Variants in KSR1 observed in about 807,000 individuals in gnomAD.
KSR1 encodes the protein kinase suppressor of ras.
A neutral mutation model predicts 92.9 loss-of-function variants in KSR1; 35 were observed. That is an observed-to-expected ratio of 0.38 (90% CI 0.29 to 0.50). KSR1 has a LOEUF of 0.50. Ranked by LOEUF, KSR1 falls within the 20% of genes least tolerant of loss-of-function variation. The probability of loss-of-function intolerance (pLI) is 0.94; values close to 1 mark genes in which losing one functional copy is unlikely to be tolerated. For synonymous variants in KSR1, 467 were observed against 472.6 expected (o/e 0.99, Z 0.15); for missense variants, 972 against 1,158.5 (o/e 0.84, Z 2.34).
At chr17:27,462,396 C>A (rs762210017) in intron 1 of KSR1, among the ~76,000 whole-genome samples, 6 of 152,086 alleles carry the variant, frequency 3.9e-5, no homozygotes, top group Non-Finnish European at 5.9e-5. Context: ...AGGGCTGGGC[C>A]GAGGGCATTC....
intron 1 of KSR1, among the ~76,000 whole-genome samples, chr17:27,482,211 G>A (rs1264288001): frequency 2.0e-5 from 3 of 151,800 alleles, no homozygotes; most frequent in African/African-American, 7.3e-5. Context: ...GATCTCTTGA[G>A]ACCAGGAGTT....
intron 9 of KSR1, 132 bp from the exon 10 acceptor site, chr17:27,597,136 T>C: frequency 6.2e-6 from 6 of 974,676 alleles, no homozygotes; most frequent in Non-Finnish European, 9.1e-6. Context: ...ATGTTAGATG[T>C]GTAAAATGTC....
Position 27,577,539 on chromosome 17 carries a change from G to A in KSR1, c.420G>A (p.Glu140=). Reference sequence around the variant, plus strand: ...TGGATGCCCTGCTGGAGATGAATGAGGCCAAGGTGAAGGAGACGCTGCGGC... The same window carrying A: ...TGGATGCCCTGCTGGAGATGAATGAAGCCAAGGTGAAGGAGACGCTGCGGC... ...LTLDALLEMN[E]AKVKETLRRC... is the part of the protein sequence containing the mutation. Residue 140 remains glutamate (E), a synonymous_variant, in exon 3 of 21, where the codon GAG becomes GAA. Coordinates refer to ENST00000644974, the MANE Select transcript of KSR1 (RefSeq NM_001394583.1). The surrounding 1 kb of genome is among the most constrained non-coding windows in gnomAD (Gnocchi z 4.5). 8 of 1,604,754 alleles carry A rather than the reference G, an allele frequency of 5.0e-6. No individual in the cohort carries two copies. Among genetic ancestry groups the A allele is most frequent in the Non-Finnish European group, 6.8e-6 (8 of 1,178,348 alleles).
chr17:27,582,755 A>T lies in KSR1; in HGVS notation c.630A>T (p.Pro210=). 6.2e-7 allele frequency: 1 copy of T among 1,613,694 alleles called. No homozygotes were observed. The highest frequency in any genetic ancestry group is 8.5e-7 in the Non-Finnish European group (1 of 1,179,794). ...CAGCAGCCAGCCTGCCCTGGCCCCC[A>T]GGGAGCTCCCAGCTGGGCAGAGCAG... ...TLSAASLPWP[P]GSSQLGRAGN... Residue 210 remains proline, a synonymous_variant, in exon 4 of 21, where the codon CCA becomes CCT. Transcript: ENST00000644974.
chr17:27,545,725 G>T (rs773311016), intron 1 of KSR1, among the ~76,000 whole-genome samples: 1 of 152,228 alleles, frequency 6.6e-6, no homozygotes, highest in Non-Finnish European at 1.5e-5. Context: ...CCTGGAGGAA[G>T]TGGTGTCTGA....
At chr17:27,530,289 A>T (rs1490918317) in intron 1 of KSR1, among the ~76,000 whole-genome samples, 2 of 152,100 alleles carry the variant, frequency 1.3e-5, no homozygotes, top group African/African-American at 4.8e-5. Flanking sequence ...TACAAAAAAT[A>T]CAAAAATTAG....
chr17:27,532,397 G>A (rs141034317), intron 1 of KSR1, among the ~76,000 whole-genome samples: 213 of 152,324 alleles, frequency 1.4e-3, no homozygotes, highest in Non-Finnish European at 2.4e-3. Context: ...TGTCCTGCGC[G>A]GCAGAGCACT....
intron 1 of KSR1, among the ~76,000 whole-genome samples, chr17:27,494,560 CAG>C (rs1449239546): frequency 2.0e-5 from 3 of 152,180 alleles, no homozygotes; most frequent in East Asian, 1.9e-4. Context: ...TCGACTTCAA[CAG>C]AGTTAATGTT....
chr17:27,519,709 A>G (rs192686392), intron 1 of KSR1, among the ~76,000 whole-genome samples: 451 of 152,312 alleles, frequency 3.0e-3, no homozygotes, highest in Non-Finnish European at 4.7e-3. Flanking sequence ...AAAACCAAAC[A>G]AAAAGCAAGG....
intron 1 of KSR1, among the ~76,000 whole-genome samples, chr17:27,490,375 A>G (rs1406803638): frequency 6.6e-6 from 1 of 152,208 alleles, no homozygotes; most frequent in Non-Finnish European, 1.5e-5. Context: ...ACATAAAACC[A>G]TTTTATCTTC....
chr17:27,572,506 G>A (rs577151709), intron 2 of KSR1, among the ~76,000 whole-genome samples: 2 of 152,202 alleles, frequency 1.3e-5, no homozygotes, highest in African/African-American at 4.8e-5. Flanking sequence ...GAACTTTGGG[G>A]TATGGGCAGA....
chr17:27,520,032 A>C (rs1478445664), intron 1 of KSR1, among the ~76,000 whole-genome samples: 1 of 152,200 alleles, frequency 6.6e-6, no homozygotes, highest in African/African-American at 2.4e-5. Flanking sequence ...CAGATGGGAG[A>C]AGGGAATAAA....
At chr17:27,542,649 T>C (rs934245251) in intron 1 of KSR1, among the ~76,000 whole-genome samples, 13 of 152,302 alleles carry the variant, frequency 8.5e-5, no homozygotes, top group African/African-American at 2.9e-4. Flanking sequence ...CAAAAAAGCC[T>C]GGGTGGGGTA....
chr17:27,506,968 G>A (rs2069408446), intron 1 of KSR1, among the ~76,000 whole-genome samples: 1 of 152,164 alleles, frequency 6.6e-6, no homozygotes, highest in Admixed American at 6.5e-5. Context: ...AAGGTCAGCT[G>A]CACTGTCTAG....
chr17:27,550,800 A>C, intron 2 of KSR1, 92 bp downstream of exon 2: 1 of 680,524 alleles, frequency 1.5e-6, no homozygotes, highest in Admixed American at 2.0e-5. Context: ...CCCGTGGCTA[A>C]GACTAAGGGT....
intron 1 of KSR1, among the ~76,000 whole-genome samples, chr17:27,460,625 G>T (rs1597814695): frequency 6.6e-6 from 1 of 152,126 alleles, no homozygotes; most frequent in African/African-American, 2.4e-5. Context: ...GAGCCGCAGG[G>T]GGTCAGAGGG....
chr17:27,505,514 G>T (rs575993630), intron 1 of KSR1, among the ~76,000 whole-genome samples: 66 of 152,240 alleles, frequency 4.3e-4, no homozygotes, highest in Non-Finnish European at 7.2e-4. Context: ...ACGGCAAACA[G>T]CCCTGCTCTG....
In KSR1 at chr17:27,456,709, T is replaced by C. The variant is rs763948068; in HGVS notation, c.66T>C (p.Asp22=). Reference sequence around the variant, plus strand: ...AGAAGGAGGGCGGTGGCGGGGGGGATGCGGCGGCCGCGGAGGGAGGCGCAG... The same window carrying C: ...AGAAGGAGGGCGGTGGCGGGGGGGACGCGGCGGCCGCGGAGGGAGGCGCAG... ...GEKKEGGGGG[D]AAAAEGGAGA... The change falls in exon 1 of 21, where the codon GAT becomes GAC. Residue 22 remains aspartate, a synonymous_variant. Transcript: ENST00000644974. 62 of 899,808 alleles carry C rather than the reference T, an allele frequency of 6.9e-5. No homozygotes were observed. Among genetic ancestry groups the C allele is most frequent in the Non-Finnish European group, 1.1e-4 (60 of 568,570 alleles). 55.7% of individuals were successfully genotyped at this position (899,808 alleles called of 1,614,324 possible).
chr17:27,593,937 G>C (rs4795773), intron 9 of KSR1, among the ~76,000 whole-genome samples: 21,204 of 152,178 alleles, frequency 0.14, 1,641 homozygotes, highest in Admixed American at 0.23. Context: ...CTCCCTCGAG[G>C]CCTTCCATGA....
Sources: allele counts gnomAD v4.1 joint callset (sites outside exome capture counted in the v4.1 genomes callset), GRCh38; gene constraint gnomAD v4.1.1; non-coding constraint Gnocchi (gnomAD v3.1); transcripts MANE v1.5; gene names NCBI Gene and HGNC (gene_info 2026-07-23, HGNC 2026-07-21).